SEC14L1: variants seen among roughly 807,000 people sequenced by gnomAD.
The protein encoded by SEC14L1 is SEC14-like protein 1.
SEC14L1 carries 48 observed loss-of-function variants against 85.3 expected under a neutral mutation model. The ratio of observed to expected loss-of-function variants is 0.56; its 90% CI spans 0.45 to 0.72. The LOEUF (loss-of-function observed/expected upper bound fraction) is 0.72, where lower values mean the gene tolerates loss of function less well. Among genes scored for constraint, SEC14L1 ranks in the 30% least tolerant of loss-of-function variants. SEC14L1 has a pLI of 0.00. For missense variants in SEC14L1, 682 were observed against 921.4 expected (o/e 0.74, Z 3.36); for synonymous variants, 391 against 355.5 (o/e 1.10, Z -1.12).
At chr17:77,123,414 C>CTTTTTTTTTTTT (rs71280842) in intron 3 of SEC14L1, among the ~76,000 whole-genome samples, 1,640 of 80,250 alleles carry the variant, frequency 0.02, 157 homozygotes, top group African/African-American at 0.035. Context: ...CAGGCCCACT[C>CTTTTTTTTTTTT]TTTTTTTTTT....
At chr17:77,184,127 T>C (rs1975164428) in intron 3 of SEC14L1, among the ~76,000 whole-genome samples, 2 of 152,156 alleles carry the variant, frequency 1.3e-5, no homozygotes, top group Non-Finnish European at 2.9e-5. Context: ...ATCTTTGTCC[T>C]GAGGGCCGCA....
chr17:77,092,738 C>T (rs945954557), intron 2 of SEC14L1, among the ~76,000 whole-genome samples: 1 of 151,884 alleles, frequency 6.6e-6, no homozygotes, highest in East Asian at 1.9e-4. Context: ...CACCTGAGGT[C>T]GGGAGTTCAA....
intron 1 of SEC14L1, chr17:77,089,144 TC>T (rs3214724): frequency 0.53 from 179,931 of 339,318 alleles, 50,044 homozygotes; most frequent in African/African-American, 0.75. Flanking sequence ...TGTTACTTTT[TC>T]CCCCAAGGTT....
chr17:77,210,665 C>T (rs1167785712), intron 14 of SEC14L1: 6 of 152,210 alleles, frequency 3.9e-5, no homozygotes, highest in African/African-American at 4.8e-5. Flanking sequence ...TAGATACATA[C>T]ATAGAGGAAT....
chr17:77,138,746 G>A (rs78541862), upstream of SEC14L1, among the ~76,000 whole-genome samples: 148 of 152,304 alleles, frequency 9.7e-4, 1 homozygote, highest in African/African-American at 3.3e-3. Flanking sequence ...GTTCACTTGA[G>A]GCCAGGTGAT....
chr17:77,216,197 G>A lies in SEC14L1; in HGVS notation c.*2174G>A, dbSNP rs1374916516. 3 of 799,930 alleles carry A rather than the reference G, an allele frequency of 3.8e-6. No individual in the cohort carries two copies. The African/African-American group carries it at 7.5e-5, about 20-fold the overall frequency. 49.6% of individuals were successfully genotyped at this position (799,930 alleles called of 1,614,324 possible). A position where few individuals can be genotyped will look rare whatever the true frequency, so the allele number is the denominator to read the frequency against. ...GCTAGTAGGTAGGGTTAGTAGGTAG[G>A]GCTAGTAGGTAGGGCTAGTAGGTAG... On this transcript the variant is annotated 3_prime_UTR_variant, in exon 17 of 17. Transcript: ENST00000436233.
At chr17:77,113,716 A>C (rs1164876316) in intron 3 of SEC14L1, among the ~76,000 whole-genome samples, 1 of 152,182 alleles carries the variant, frequency 6.6e-6, no homozygotes, top group African/African-American at 2.4e-5. Flanking sequence ...ACTGCACTCC[A>C]GCCTGGGTGA....
At chr17:77,189,226 G>A (rs1975407773) in intron 3 of SEC14L1, among the ~76,000 whole-genome samples, 2 of 152,130 alleles carry the variant, frequency 1.3e-5, no homozygotes, top group Admixed American at 6.5e-5. Context: ...AGACAGAAAA[G>A]GGGTGAGGGA....
intron 3 of SEC14L1, among the ~76,000 whole-genome samples, chr17:77,174,442 C>T (rs958875670): frequency 7.9e-5 from 12 of 152,162 alleles, no homozygotes; most frequent in African/African-American, 2.7e-4. Flanking sequence ...CTCAATTGTG[C>T]GTCTCATTCA....
rs1166914032 is a variant in SEC14L1 at position 77,187,729 on chromosome 17, C to T, written c.64-3074C>T. On this transcript the variant is annotated intron_variant, in intron 3 of 16. Coordinates refer to ENST00000436233, the MANE Select transcript of SEC14L1 (RefSeq NM_001143998.2). ...ACTTCCAGTTCACATGCACCATGGG[C>T]TACTGGAATTTTTTTTTTTTTTTTT... Among the ~76,000 whole-genome samples, 3 of 146,682 alleles carry T rather than the reference C, an allele frequency of 2.0e-5. No individual in the cohort carries two copies. The East Asian group carries it at 5.9e-4, about 29-fold the overall frequency.
chr17:77,111,507 G>T (rs1196332346), intron 3 of SEC14L1, among the ~76,000 whole-genome samples: 1 of 151,966 alleles, frequency 6.6e-6, no homozygotes, highest in African/African-American at 2.4e-5. Flanking sequence ...GCAGCCGGGA[G>T]GGGGGCTGAA....
At position 77,213,830 on chromosome 17, in the gene SEC14L1, G is replaced by A; in HGVS notation, c.2043-88G>A. 6.7e-7 allele frequency: 1 copy of A among 1,502,262 alleles called. No homozygotes were observed. Among genetic ancestry groups the A allele is most frequent in the Non-Finnish European group, 9.3e-7 (1 of 1,080,940 alleles). 93.1% of individuals were successfully genotyped at this position (1,502,262 alleles called of 1,614,324 possible). A position where few individuals can be genotyped will look rare whatever the true frequency, so the allele number is the denominator to read the frequency against. On this transcript the variant is annotated intron_variant, in intron 16 of 16. Transcript: ENST00000436233. The surrounding 1 kb of genome is among the most constrained non-coding windows in gnomAD (Gnocchi z 7.1). ...GGATGAGAAGTGAGCAGAGAACAGG[G>A]TGGGCCACGAAGTCCAGCAGGCAGT... is the stretch of plus-strand genomic sequence containing the variant.
In SEC14L1 at chr17:77,174,338, G is replaced by A. The variant is rs115903828; in HGVS notation, c.64-16465G>A. On this transcript the variant is annotated intron_variant, in intron 3 of 16. Transcript: ENST00000436233. ...TGGGAATTTTCAGGTCCCCCTTAGC[G>A]TTGGTGGGTCGGTATGATCCCCCGA... Among the ~76,000 whole-genome samples, 341 of 152,126 alleles carry A rather than the reference G, an allele frequency of 2.2e-3. 1 individual carries two copies. The highest frequency in any genetic ancestry group is 7.8e-3 in the African/African-American group (325 of 41,494).
chr17:77,105,097 A>G (rs1971878777), intron 3 of SEC14L1, among the ~76,000 whole-genome samples: 1 of 152,176 alleles, frequency 6.6e-6, no homozygotes, highest in African/African-American at 2.4e-5. Flanking sequence ...GAGCCTTTCC[A>G]AAGAAGGCGA....
chr17:77,212,105 G>A lies in SEC14L1; in HGVS notation c.1767G>A (p.Gly589=). The change falls in exon 15 of 17, where the codon GGG becomes GGA. Residue 589 remains glycine (G), a synonymous_variant. Coordinates refer to ENST00000436233, the MANE Select transcript of SEC14L1 (RefSeq NM_001143998.2). ...CCCACAGCATCACCTCTCCGGGTGG[G>A]AACAATGTGCAGCTCATAGACAAAG... ...LGAHSITSPG[G]NNVQLIDKVW... is the part of the protein sequence containing the mutation. 1 of 1,614,150 alleles carries A rather than the reference G, an allele frequency of 6.2e-7. No individual in the cohort carries two copies. Among genetic ancestry groups the A allele is most frequent in the Non-Finnish European group, 8.5e-7 (1 of 1,180,034 alleles).
At chr17:77,139,253 C>T (rs1598281233), upstream of SEC14L1, among the ~76,000 whole-genome samples, 1 of 150,462 alleles carries the variant, frequency 6.6e-6, no homozygotes, top group Non-Finnish European at 1.5e-5. Context: ...TGCCTCACTG[C>T]AACCTCTGCC....
intron 3 of SEC14L1, among the ~76,000 whole-genome samples, chr17:77,129,859 C>T (rs558595450): frequency 6.6e-6 from 1 of 152,230 alleles, no homozygotes; most frequent in African/African-American, 2.4e-5. Flanking sequence ...CAAGTCGAGC[C>T]TCCCTCCAGC....
At position 77,089,393 on chromosome 17, in the gene SEC14L1, TA is replaced by T. The variant is rs761232081; in HGVS notation, c.-240+125del. The stretch of plus-strand genomic sequence containing the variant: ...CAGGCAGCCCAACCCTGACCTAAAG[TA>T]AATTCCCGGAAGAAGTCTTTCCTGG... On this transcript the variant is annotated intron_variant, in intron 2 of 19. Transcript: ENST00000392476. 8 of 519,114 alleles carry T rather than the reference TA, an allele frequency of 1.5e-5. No homozygotes were observed. In the Middle Eastern group the frequency reaches 1.3e-3, roughly 83 times the overall value. 32.2% of individuals were successfully genotyped at this position (519,114 alleles called of 1,614,324 possible). A position where few individuals can be genotyped will look rare whatever the true frequency, so the allele number is the denominator to read the frequency against.
chr17:77,117,031 G>A (rs1021832262), intron 3 of SEC14L1, among the ~76,000 whole-genome samples: 3 of 152,126 alleles, frequency 2.0e-5, no homozygotes, highest in Non-Finnish European at 2.9e-5. Flanking sequence ...ACAGTTTTCC[G>A]TCTTTATCTA....
Sources: gnomAD v4.1 joint callset for allele counts (sites outside exome capture counted in the v4.1 genomes callset) on GRCh38, gnomAD v4.1.1 for gene constraint, Gnocchi (gnomAD v3.1) non-coding constraint, MANE v1.5 for transcripts, NCBI Gene and HGNC (gene_info 2026-07-23, HGNC 2026-07-21) for gene names.